The following PSD3 variants were observed in gnomAD, a reference collection of about 807,000 sequenced individuals.
The protein encoded by PSD3 is pleckstrin and Sec7 domain containing 3, also known as PH and SEC7 domain-containing protein 3.
Under a neutral mutation model 105.5 loss-of-function variants are expected in PSD3, and 49 were observed. That is an observed-to-expected ratio of 0.46 (90% CI 0.37 to 0.59). PSD3 has a LOEUF of 0.59. Among genes scored for constraint, PSD3 ranks in the 20% least tolerant of loss-of-function variants. The probability of loss-of-function intolerance (pLI) is 0.00; values close to 1 mark genes in which losing one functional copy is unlikely to be tolerated. For missense variants in PSD3, 1,561 were observed against 1,263.8 expected (o/e 1.24, Z -3.57); for synonymous variants, 557 against 457.8 (o/e 1.22, Z -2.77).
Position 18,872,138 on chromosome 8 carries a change from A to G in PSD3, c.726T>C (p.Cys242=), listed in dbSNP as rs1305576500. Residue 242 remains cysteine (C), a synonymous_variant, in exon 3 of 16, where the codon TGT becomes TGC. Transcript: ENST00000327040. ...CCAAAGGACAAGATGGCTCCTGCAC[A>G]CAGACAGCCCCTTTCCTCCCATTAT... is the stretch of plus-strand genomic sequence containing the variant. ...IMNNGRKGAV[C]VQEPSCPLAS... 1.2e-6 allele frequency: 2 copies of G among 1,613,986 alleles called. No homozygotes were observed. The highest frequency in any genetic ancestry group is 2.7e-5 in the African/African-American group (2 of 74,924).
chr8:18,776,365 A>AATAT lies in PSD3; in HGVS notation c.2083-10831_2083-10828dup, dbSNP rs199673015. Reference sequence around the variant, plus strand: ...TATAGTATAAAAATATATATATCTAAATATATGTATATATATAATTTTTTT... The same window carrying AATAT: ...TATAGTATAAAAATATATATATCTAAATATATATATGTATATATATAATTTTTTT... On this transcript the variant is annotated intron_variant, in intron 8 of 15. Coordinates refer to ENST00000327040, the MANE Select transcript of PSD3 (RefSeq NM_015310.4). 1.9e-3 allele frequency among the ~76,000 whole-genome samples: 261 copies of AATAT among 135,640 alleles called. 5 individuals carry two copies. The East Asian group carries it at 0.048, about 25-fold the overall frequency. The allele number at this position is 135,640 out of a possible 152,430, so 89.0% of individuals were successfully genotyped here. A position where few individuals can be genotyped will look rare whatever the true frequency, so the allele number is the denominator to read the frequency against.
intron 9 of PSD3, among the ~76,000 whole-genome samples, chr8:18,740,024 T>C (rs374931722): frequency 4.6e-4 from 70 of 152,332 alleles, no homozygotes; most frequent in African/African-American, 1.6e-3. Context: ...TTCTTGTGCA[T>C]GGACAAGCTC....
intron 11 of PSD3, among the ~76,000 whole-genome samples, chr8:18,626,988 G>A (rs1487740): frequency 0.43 from 64,985 of 151,982 alleles, 14,408 homozygotes; most frequent in African/African-American, 0.53. Flanking sequence ...AAGGGATCAT[G>A]AATCAGCTTA....
upstream of PSD3, among the ~76,000 whole-genome samples, chr8:19,014,667 T>G (rs1263230926): frequency 6.6e-6 from 1 of 152,156 alleles, no homozygotes; most frequent in Non-Finnish European, 1.5e-5. The surrounding 1 kb of genome is among the most constrained non-coding windows in gnomAD (Gnocchi z 4.9). Context: ...CTTTTTCAAG[T>G]GACAGGTAGA....
intron 1 of PSD3, among the ~76,000 whole-genome samples, chr8:19,024,985 C>G (rs193062687): frequency 1.1e-4 from 17 of 152,230 alleles, no homozygotes; most frequent in Admixed American, 1.1e-3. Flanking sequence ...AAAGGGGTCA[C>G]AGTGAGACAG....
rs151112572 is a variant in PSD3 at position 18,592,793 on chromosome 8, G to C, written c.2481+7571C>G. On this transcript the variant is annotated intron_variant, in intron 12 of 15. Transcript: ENST00000327040. ...GAAAGATATATAGACCAATGGAACA[G>C]AACAGAGCCCTCAGAAATAACACCA... Among the ~76,000 whole-genome samples the C allele has an allele frequency of 2.6e-3, 392 of 152,222 alleles. 2 individuals carry two copies. The highest frequency in any genetic ancestry group is 8.7e-3 in the African/African-American group (361 of 41,536).
chr8:18,773,325 G>A (rs556479585), intron 8 of PSD3, among the ~76,000 whole-genome samples: 4 of 152,210 alleles, frequency 2.6e-5, no homozygotes, highest in African/African-American at 9.6e-5. Context: ...GAGGATTTGT[G>A]CACTCTATTC....
chr8:18,931,752 C>G (rs1821763988), intron 2 of PSD3, among the ~76,000 whole-genome samples: 1 of 152,240 alleles, frequency 6.6e-6, no homozygotes, highest in Non-Finnish European at 1.5e-5. Flanking sequence ...CCTTCTCCAA[C>G]AGAAGAGTCC....
At chr8:19,008,139 C>G (rs573508425) in intron 1 of PSD3, among the ~76,000 whole-genome samples, 1 of 152,278 alleles carries the variant, frequency 6.6e-6, no homozygotes, top group Admixed American at 6.5e-5. Context: ...CCATGGCGCC[C>G]GGCCAAGGGA....
At chr8:19,064,191 A>C (rs1828995246) in intron 1 of PSD3, among the ~76,000 whole-genome samples, 1 of 151,816 alleles carries the variant, frequency 6.6e-6, no homozygotes, top group African/African-American at 2.4e-5. Context: ...TTAAACGAGA[A>C]CTCCAAGTAC....
chr8:18,624,610 A>G (rs1806349000), intron 11 of PSD3, among the ~76,000 whole-genome samples: 1 of 150,228 alleles, frequency 6.7e-6, no homozygotes, highest in African/African-American at 2.4e-5. Flanking sequence ...TGGGTGCAGC[A>G]CACCAGCATG....
chr8:18,885,886 C>T (rs1165896882), intron 2 of PSD3, among the ~76,000 whole-genome samples: 2 of 152,204 alleles, frequency 1.3e-5, no homozygotes, highest in South Asian at 4.1e-4. Flanking sequence ...CTGTTACAAA[C>T]TTCCAGTAAA....
chr8:18,945,179 G>A lies in PSD3; in HGVS notation c.22-9037C>T, dbSNP rs76862054. On this transcript the variant is annotated intron_variant, in intron 1 of 15. Transcript: ENST00000327040. ...ATTCTAATCTCTGGAACCTGTGAAT[G>A]TCACCTTACATGGCATAGCCTTTGA... is the stretch of plus-strand genomic sequence containing the variant. Among the ~76,000 whole-genome samples the A allele has an allele frequency of 6.5e-3, 991 of 152,276 alleles. 10 individuals carry two copies. The highest frequency in any genetic ancestry group is 0.023 in the African/African-American group (940 of 41,556).
chr8:18,714,461 A>C (rs1802454459), intron 9 of PSD3, among the ~76,000 whole-genome samples: 1 of 152,088 alleles, frequency 6.6e-6, no homozygotes, highest in African/African-American at 2.4e-5. Flanking sequence ...CCCATCAAAA[A>C]GCAGGCAAAG....
intron 9 of PSD3, among the ~76,000 whole-genome samples, chr8:18,682,618 A>AGGGG (rs1472631593): frequency 6.6e-6 from 1 of 152,210 alleles, no homozygotes; most frequent in Non-Finnish European, 1.5e-5. Context: ...CTAATGACGG[A>AGGGG]GGGGGTCAGA....
intron 2 of PSD3, among the ~76,000 whole-genome samples, chr8:18,899,459 C>G (rs753813708): frequency 3.9e-5 from 6 of 152,110 alleles, no homozygotes; most frequent in Non-Finnish European, 7.4e-5. Context: ...ATGCAATCTT[C>G]CAGACTTTCA....
chr8:18,562,672 G>C (rs1801467333), intron 14 of PSD3, among the ~76,000 whole-genome samples: 1 of 152,160 alleles, frequency 6.6e-6, no homozygotes, highest in South Asian at 2.1e-4. Flanking sequence ...GCGGATCACT[G>C]AAGGTCAAGA....
intron 4 of PSD3, among the ~76,000 whole-genome samples, chr8:18,811,606 A>T (rs1180894642): frequency 6.6e-6 from 1 of 152,220 alleles, no homozygotes; most frequent in African/African-American, 2.4e-5. Context: ...TGGTCATGGT[A>T]GGCCTCATGG....
At position 18,535,317 on chromosome 8, in the gene PSD3, T is replaced by C. The variant is rs922396581; in HGVS notation, c.*426A>G. On this transcript the variant is annotated 3_prime_UTR_variant, in exon 16 of 16. Coordinates refer to ENST00000327040, the MANE Select transcript of PSD3 (RefSeq NM_015310.4). ...GCAAGATTTCACATATAAAGGCGTATATTAACTCCAGCTAGAATTTACTAA... is the reference window on the plus strand; with the variant it reads ...GCAAGATTTCACATATAAAGGCGTACATTAACTCCAGCTAGAATTTACTAA... 8.0e-5 allele frequency: 15 copies of C among 186,428 alleles called. No homozygotes were observed. The highest frequency in any genetic ancestry group is 3.1e-4 in the African/African-American group (13 of 42,170). The allele number at this position is 186,428 out of a possible 1,614,324, so 11.5% of individuals were successfully genotyped here.
Sources: gnomAD v4.1 joint callset for allele counts (sites outside exome capture counted in the v4.1 genomes callset) on GRCh38, gnomAD v4.1.1 for gene constraint, Gnocchi (gnomAD v3.1) non-coding constraint, MANE v1.5 for transcripts, NCBI Gene and HGNC (gene_info 2026-07-23, HGNC 2026-07-21) for gene names.